Variants in MCTP1 observed in about 807,000 individuals in gnomAD.
MCTP1 encodes multiple C2 and transmembrane domain containing 1, also known as multiple C2 and transmembrane domain-containing protein 1.
Under a neutral mutation model 120.6 loss-of-function variants are expected in MCTP1, and 69 were observed. The ratio of observed to expected loss-of-function variants is 0.57; its 90% CI spans 0.47 to 0.70. The LOEUF (loss-of-function observed/expected upper bound fraction) is 0.70, where lower values mean the gene tolerates loss of function less well. Ranked by LOEUF, MCTP1 falls within the 30% of genes least tolerant of loss-of-function variation. The probability of loss-of-function intolerance (pLI) is 0.00; values close to 1 mark genes in which losing one functional copy is unlikely to be tolerated. For missense variants in MCTP1, 1,203 were observed against 1,248.8 expected (o/e 0.96, Z 0.55); for synonymous variants, 529 against 493.1 (o/e 1.07, Z -0.96).
rs577716349 is a variant in MCTP1, at chr5:95,111,790, T to G, written c.721-94306A>C. Among the ~76,000 whole-genome samples, 60 of 152,322 alleles carry G rather than the reference T, an allele frequency of 3.9e-4. 1 individual carries two copies. In the South Asian group the frequency reaches 0.012, roughly 31 times the overall value. On this transcript the variant is annotated intron_variant, in intron 1 of 22. Transcript: ENST00000515393. Reference sequence around the variant, plus strand: ...ACTAATTAGTTGCCTCTGCAGTTAATTTTTCATCAGTTTTGTAGGAATATT... The same window carrying G: ...ACTAATTAGTTGCCTCTGCAGTTAAGTTTTCATCAGTTTTGTAGGAATATT...
At position 94,707,394 on chromosome 5, in the gene MCTP1, AAAAT is replaced by A. The variant is rs1329113600; in HGVS notation, c.*98_*101del. The A allele has an allele frequency of 3.3e-6, 3 of 900,374 alleles. No homozygotes were observed. Among genetic ancestry groups the A allele is most frequent in the Non-Finnish European group, 5.3e-6 (3 of 571,244 alleles). 55.8% of individuals were successfully genotyped at this position (900,374 alleles called of 1,614,324 possible). On this transcript the variant is annotated 3_prime_UTR_variant, in exon 23 of 23. Transcript: ENST00000515393. ...ATTCTCTCGATCATGATAAAAAGGC[AAAAT>A]AAATAAAAAGCAGAAAGAAAGGAAA...
intron 1 of MCTP1, among the ~76,000 whole-genome samples, chr5:95,246,804 T>C (rs762747295): frequency 6.6e-6 from 1 of 152,204 alleles, no homozygotes; most frequent in Non-Finnish European, 1.5e-5. Flanking sequence ...AGTATTTTAT[T>C]GAGGATTTTT....
chr5:95,077,890 T>C (rs930214721), intron 1 of MCTP1, among the ~76,000 whole-genome samples: 9 of 152,324 alleles, frequency 5.9e-5, no homozygotes, highest in African/African-American at 2.2e-4. Context: ...AAATATGAGA[T>C]GAATTTAGGA....
chr5:95,152,635 T>G (rs1744661661), intron 1 of MCTP1, among the ~76,000 whole-genome samples: 1 of 152,228 alleles, frequency 6.6e-6, no homozygotes, highest in African/African-American at 2.4e-5. Context: ...TTTGTTCTTT[T>G]GGCAAATATT....
chr5:94,891,120 C>T (rs1014809292), intron 11 of MCTP1, among the ~76,000 whole-genome samples: 8 of 151,684 alleles, frequency 5.3e-5, no homozygotes, highest in African/African-American at 1.7e-4. Flanking sequence ...GGAGGAAATG[C>T]GGATACATGA....
intron 1 of MCTP1, among the ~76,000 whole-genome samples, chr5:95,138,143 T>C (rs1016229925): frequency 2.6e-5 from 4 of 151,958 alleles, no homozygotes; most frequent in African/African-American, 9.7e-5. Flanking sequence ...CTTTTCTCAT[T>C]CTCCCAGGAG....
intron 1 of MCTP1, among the ~76,000 whole-genome samples, chr5:95,154,808 T>C (rs1195066444): frequency 6.6e-6 from 1 of 152,116 alleles, no homozygotes; most frequent in Non-Finnish European, 1.5e-5. Flanking sequence ...AGTTTTTTTA[T>C]AAAATAAAAA....
intron 17 of MCTP1, chr5:94,867,387 G>C: frequency 6.8e-7 from 1 of 1,465,176 alleles, no homozygotes; most frequent in Non-Finnish European, 9.2e-7. Context: ...CAAGGCCTGA[G>C]AGGAAGACAG....
chr5:94,769,141 G>T (rs190435227), intron 19 of MCTP1, among the ~76,000 whole-genome samples: 85 of 152,258 alleles, frequency 5.6e-4, no homozygotes, highest in Admixed American at 8.5e-4. Context: ...CAGACACAAA[G>T]AAAAATATCA....
At chr5:95,241,895 C>A (rs764239641) in intron 1 of MCTP1, among the ~76,000 whole-genome samples, 1 of 152,120 alleles carries the variant, frequency 6.6e-6, no homozygotes, top group African/African-American at 2.4e-5. Flanking sequence ...TAGAAAGTTA[C>A]ATGCTTTCCA....
intron 1 of MCTP1, among the ~76,000 whole-genome samples, chr5:95,143,047 C>G (rs971481486): frequency 5.9e-5 from 9 of 151,902 alleles, no homozygotes; most frequent in African/African-American, 1.9e-4. Context: ...CAAAAAGCAA[C>G]AAGAATATGG....
intron 12 of MCTP1, among the ~76,000 whole-genome samples, chr5:94,885,377 G>T (rs1013773854): frequency 2.6e-5 from 4 of 151,528 alleles, no homozygotes; most frequent in Non-Finnish European, 5.9e-5. Context: ...CGGAGGAGAA[G>T]AACTCTTTTC....
chr5:95,265,343 T>A (rs1490001896), intron 1 of MCTP1, among the ~76,000 whole-genome samples: 1 of 152,204 alleles, frequency 6.6e-6, no homozygotes, highest in African/African-American at 2.4e-5. Context: ...CAAGGAGCTA[T>A]AAGTTAGGCC....
intron 1 of MCTP1, among the ~76,000 whole-genome samples, chr5:95,127,214 GT>G (rs1486934536): frequency 6.6e-6 from 1 of 151,490 alleles, no homozygotes; most frequent in Non-Finnish European, 1.5e-5. Flanking sequence ...CTAAAAAGTG[GT>G]TTTTCCCATT....
At chr5:95,199,989 C>T (rs916013264) in intron 1 of MCTP1, among the ~76,000 whole-genome samples, 7 of 151,928 alleles carry the variant, frequency 4.6e-5, no homozygotes, top group Admixed American at 3.9e-4. Context: ...GGTGAAACCT[C>T]GTCTCTACTA....
At chr5:95,214,578 C>G (rs1413226939) in intron 1 of MCTP1, among the ~76,000 whole-genome samples, 1 of 152,140 alleles carries the variant, frequency 6.6e-6, no homozygotes, top group Non-Finnish European at 1.5e-5. Context: ...ATGTTTATTG[C>G]GGCACTATTC....
intron 17 of MCTP1, among the ~76,000 whole-genome samples, chr5:94,816,790 T>C (rs1185928761): frequency 1.6e-4 from 24 of 152,152 alleles, no homozygotes; most frequent in Admixed American, 8.5e-4. Flanking sequence ...TAAACAATTT[T>C]TGTAGCCTCT....
At chr5:95,210,771 G>A (rs1178024783) in intron 1 of MCTP1, among the ~76,000 whole-genome samples, 9 of 152,000 alleles carry the variant, frequency 5.9e-5, no homozygotes, top group East Asian at 1.9e-4. Context: ...TCCTAGTCTC[G>A]ATGGTCTCTA....
chr5:94,901,921 C>A (rs146514760), intron 10 of MCTP1, among the ~76,000 whole-genome samples: 13 of 152,166 alleles, frequency 8.5e-5, no homozygotes, highest in African/African-American at 2.9e-4. Flanking sequence ...AGAAATGAAG[C>A]CTCATCAGTC....
Sources: gnomAD v4.1 joint callset for allele counts (sites outside exome capture counted in the v4.1 genomes callset) on GRCh38, gnomAD v4.1.1 for gene constraint, MANE v1.5 for transcripts, NCBI Gene and HGNC (gene_info 2026-07-23, HGNC 2026-07-21) for gene names.